WBP1: variants seen among roughly 807,000 people sequenced by gnomAD.
WBP1 encodes the protein WW domain binding protein 1.
A neutral mutation model predicts 25.6 loss-of-function variants in WBP1; 18 were observed. That is an observed-to-expected ratio of 0.70 (90% confidence interval 0.49 to 1.04). WBP1 has a LOEUF of 1.04. Among genes scored for constraint, WBP1 ranks in the 50% least tolerant of loss-of-function variants. The pLI is 0.00. For missense variants in WBP1, 330 were observed against 352.9 expected, an observed-to-expected ratio of 0.94 and a Z score of 0.52; for synonymous variants, 122 against 137.7, an observed-to-expected ratio of 0.89 and a Z score of 0.80.
Position 74,460,841 on chromosome 2 carries a change from A to G in WBP1, c.*160A>G, listed in dbSNP as rs1671882440. 1 of 671,002 alleles carries G rather than the reference A, an allele frequency of 1.5e-6. No individual in the cohort carries two copies. The highest frequency in any genetic ancestry group is 4.2e-4 in the Middle Eastern group (1 of 2,384). The allele number at this position is 671,002 out of a possible 1,614,324, so 41.6% of individuals were successfully genotyped here. Reference sequence around the variant, plus strand: ...TGTGCTAGCTTTACCCCCGCAGGACATACACAGGAGCCTTTGATCTCATTA... The same window carrying G: ...TGTGCTAGCTTTACCCCCGCAGGACGTACACAGGAGCCTTTGATCTCATTA... On this transcript the variant is annotated 3_prime_UTR_variant, in exon 4 of 4. Coordinates refer to ENST00000233615, the MANE Select transcript of WBP1 (RefSeq NM_012477.4).
In WBP1 at chr2:74,459,111, G is replaced by A. The variant is rs1279884099; in HGVS notation, c.69+440G>A. ...GCAATCCCATCTGGTTGGGAGCACTGCTCTGGGTCTCACACTGCCCCTCCT... is the reference window on the plus strand; with the variant it reads ...GCAATCCCATCTGGTTGGGAGCACTACTCTGGGTCTCACACTGCCCCTCCT... On this transcript the variant is annotated intron_variant, in intron 1 of 3. Coordinates refer to ENST00000233615, the MANE Select transcript of WBP1 (RefSeq NM_012477.4). 2.6e-6 allele frequency: 4 copies of A among 1,543,770 alleles called. No homozygotes were observed. In the African/African-American group the frequency reaches 4.1e-5, roughly 16 times the overall value.
intron 1 of WBP1, 113 bp downstream of exon 1, chr2:74,458,784 G>T (rs1671793500): frequency 6.6e-7 from 1 of 1,520,422 alleles, no homozygotes; most frequent in Non-Finnish European, 8.9e-7. Context: ...GTACTGTGAA[G>T]TTCCTAAACA....
intron 1 of WBP1, 105 bp downstream of exon 1, chr2:74,458,776 ACTGTGAAGTTC>A (rs1671793276): frequency 1.3e-6 from 2 of 1,518,472 alleles, no homozygotes; most frequent in East Asian, 4.9e-5. Context: ...AGCCAAAGGT[ACTGTGAAGTTC>A]CTAAACATGT....
chr2:74,458,783 A>G lies in WBP1; in HGVS notation c.69+112A>G, dbSNP rs1223653412. 17 of 1,520,332 alleles carry G rather than the reference A, an allele frequency of 1.1e-5. No homozygotes were observed. In the South Asian group the frequency reaches 1.6e-4, roughly 15 times the overall value. 94.2% of individuals were successfully genotyped at this position (1,520,332 alleles called of 1,614,324 possible). On this transcript the variant is annotated intron_variant, in intron 1 of 3. Transcript: ENST00000233615. ...ACTCACGGAGCCAAAGGTACTGTGA[A>G]GTTCCTAAACATGTCTCTTCCACTC... is the stretch of plus-strand genomic sequence containing the variant.
intron 1 of WBP1, chr2:74,459,281 C>T (rs1671815384): frequency 2.7e-6 from 2 of 732,818 alleles, no homozygotes; most frequent in Non-Finnish European, 3.9e-6. Context: ...CTCAGACTGT[C>T]TTCTGGCTTC....
Position 74,458,682 on chromosome 2 carries a change from A to G in WBP1, c.69+11A>G. The G allele has an allele frequency of 6.4e-7, 1 of 1,571,384 alleles. No individual in the cohort carries two copies. The highest frequency in any genetic ancestry group is 8.6e-7 in the Non-Finnish European group (1 of 1,157,980). On this transcript the variant is annotated intron_variant, in intron 1 of 3. Transcript: ENST00000233615. ...GCGCCGCAACAGCAGGTATCCCAAT[A>G]GCTCCAAAACCTATCACGACAGCCA...
Position 74,460,712 on chromosome 2 carries a change from C to T in WBP1, c.*31C>T. ...TTTGAGAGGGTGGATGGGTTACTTGCCCACCAGAAACAGCCCTAGTCCCAA... is the reference window on the plus strand; with the variant it reads ...TTTGAGAGGGTGGATGGGTTACTTGTCCACCAGAAACAGCCCTAGTCCCAA... On this transcript the variant is annotated 3_prime_UTR_variant, in exon 4 of 4. Transcript: ENST00000233615. 2 of 1,512,834 alleles carry T rather than the reference C, an allele frequency of 1.3e-6. No homozygotes were observed. Among genetic ancestry groups the T allele is most frequent in the Middle Eastern group, 2.2e-4 (1 of 4,512 alleles). The allele number at this position is 1,512,834 out of a possible 1,614,324, so 93.7% of individuals were successfully genotyped here. A position where few individuals can be genotyped will look rare whatever the true frequency, so the allele number is the denominator to read the frequency against.
chr2:74,460,632 C>A lies in WBP1; in HGVS notation c.761C>A (p.Pro254Gln), dbSNP rs763581399. 5.6e-6 allele frequency: 9 copies of A among 1,599,726 alleles called. No homozygotes were observed. The Admixed American group carries it at 1.0e-4, about 18-fold the overall frequency. Residue 254 changes from proline (P) to glutamine (Q), a missense_variant, in exon 4 of 4, where the codon CCG (proline) becomes CAG (glutamine). Coordinates refer to ENST00000233615, the MANE Select transcript of WBP1 (RefSeq NM_012477.4). ...SPCALPPESV[P>Q]QIFPMGLSSS... ...TGTGCACTACCCCCAGAGTCTGTAC[C>A]GCAGATCTTTCCCATGGGGCTGTCT...
rs760455576 is a variant in WBP1 at position 74,460,015 on chromosome 2, T to C, written c.315T>C (p.Ala105=). The C allele has an allele frequency of 6.2e-7, 1 of 1,614,102 alleles. No homozygotes were observed. The highest frequency in any genetic ancestry group is 1.1e-5 in the South Asian group (1 of 91,090). Residue 105 remains alanine, a synonymous_variant, in exon 3 of 4, where the codon GCT becomes GCC. Transcript: ENST00000233615. ...CCTATCATGGGGCATGCCATGGGGC[T>C]GGTCCTTTCCCTACCGGTTCACTGC... is the stretch of plus-strand genomic sequence containing the variant. ...LLAYHGACHG[A]GPFPTGSLLD...
At position 74,460,295 on chromosome 2, in the gene WBP1, A is replaced by G. The variant is rs1246644215; in HGVS notation, c.424A>G (p.Thr142Ala). Reference protein sequence around the residue: ...HRPGTPPPPYTVAPGRPLTAS... With the variant: ...HRPGTPPPPYAVAPGRPLTAS... ...CCCAGGCACACCACCCCCCCCTTAT[A>G]CTGTGGCCCCAGGCCGCCCCTTGAC... Residue 142 changes from threonine (T) to alanine (A), a missense_variant, in exon 4 of 4, where the codon ACT (threonine) becomes GCT (alanine). Thr to Ala is a moderately conservative substitution (Grantham distance 58). Transcript: ENST00000233615. 2 of 1,611,096 alleles carry G rather than the reference A, an allele frequency of 1.2e-6. No homozygotes were observed. Among genetic ancestry groups the G allele is most frequent in the East Asian group, 2.3e-5 (1 of 44,354 alleles).
intron 1 of WBP1, 149 bp downstream of exon 1, chr2:74,458,820 T>A: frequency 6.5e-7 from 1 of 1,534,748 alleles, no homozygotes; most frequent in Non-Finnish European, 8.8e-7. Flanking sequence ...TTGTCTAAAC[T>A]TTGTAACGTA....
chr2:74,459,079 A>T, intron 1 of WBP1: 1 of 1,548,722 alleles, frequency 6.5e-7, no homozygotes, highest in Admixed American at 2.0e-5. Flanking sequence ...ATCCTTTATC[A>T]TCCACAGCAA....
Position 74,460,770 on chromosome 2 carries a change from C to G in WBP1, c.*89C>G, listed in dbSNP as rs774053584. The G allele has an allele frequency of 1.0e-5, 12 of 1,203,306 alleles. No homozygotes were observed. Among genetic ancestry groups the G allele is most frequent in the Non-Finnish European group, 1.4e-5 (12 of 869,522 alleles). The allele number at this position is 1,203,306 out of a possible 1,614,324, so 74.5% of individuals were successfully genotyped here. On this transcript the variant is annotated 3_prime_UTR_variant, in exon 4 of 4. Coordinates refer to ENST00000233615, the MANE Select transcript of WBP1 (RefSeq NM_012477.4). ...CGTTCCTTTGGCCCCTCCCTGCCTACCTAGAATCTGCCTGAAAGGGCTGGA... is the reference window on the plus strand; with the variant it reads ...CGTTCCTTTGGCCCCTCCCTGCCTAGCTAGAATCTGCCTGAAAGGGCTGGA...
In WBP1 at chr2:74,460,539, G is replaced by T. The variant is rs376698954; in HGVS notation, c.668G>T (p.Gly223Val). The change falls in exon 4 of 4, where the codon GGT (glycine) becomes GTT (valine). Residue 223 changes from glycine (G) to valine (V), a missense_variant. Gly to Val is a moderately radical substitution (Grantham distance 109). Coordinates refer to ENST00000233615, the MANE Select transcript of WBP1 (RefSeq NM_012477.4). ...GIELCPCPAS[G>V]EGEPVKEVRV... ...GAGCTCTGCCCTTGTCCTGCCTCCGGTGAGGGTGAGCCAGTCAAGGAGGTG... is the reference window on the plus strand; with the variant it reads ...GAGCTCTGCCCTTGTCCTGCCTCCGTTGAGGGTGAGCCAGTCAAGGAGGTG... The T allele has an allele frequency of 3.7e-5, 59 of 1,613,524 alleles. No homozygotes were observed. Among genetic ancestry groups the T allele is most frequent in the Middle Eastern group, 1.7e-4 (1 of 5,744 alleles).
rs980744012 is a variant in WBP1, at chr2:74,460,378, A to G, written c.507A>G (p.Glu169=). 4.3e-6 allele frequency: 7 copies of G among 1,614,064 alleles called. No individual in the cohort carries two copies. Among genetic ancestry groups the G allele is most frequent in the Non-Finnish European group, 5.9e-6 (7 of 1,180,012 alleles). Residue 169 remains glutamate, a synonymous_variant, in exon 4 of 4, where the codon GAA becomes GAG. Transcript: ENST00000233615. Reference sequence around the variant, plus strand: ...CATCCAGCTGCCCTGCCCACTTTGAAGGAACAAATGTGGAAGGTGTTTCCT... The same window carrying G: ...CATCCAGCTGCCCTGCCCACTTTGAGGGAACAAATGTGGAAGGTGTTTCCT... ...SSSSSCPAHF[E]GTNVEGVSSH...
intron 1 of WBP1, chr2:74,459,033 A>G (rs1671801942): frequency 1.9e-6 from 3 of 1,550,364 alleles, no homozygotes; most frequent in Non-Finnish European, 2.6e-6. Context: ...AGCAATTTGG[A>G]GAAGAGCTGG....
rs369879489 is a variant in WBP1, at chr2:74,460,501, C to A, written c.630C>A (p.Gly210=). 5 of 1,613,460 alleles carry A rather than the reference C, an allele frequency of 3.1e-6. No individual in the cohort carries two copies. Among genetic ancestry groups the A allele is most frequent in the African/African-American group, 1.3e-5 (1 of 75,026 alleles). The change falls in exon 4 of 4, where the codon GGC becomes GGA. Residue 210 remains glycine, a synonymous_variant. Transcript: ENST00000233615. ...CCTGCCGCTATCGCCGTTTAACTGGCGACTCCGGTATTGAGCTCTGCCCTT... is the reference window on the plus strand; with the variant it reads ...CCTGCCGCTATCGCCGTTTAACTGGAGACTCCGGTATTGAGCTCTGCCCTT... The part of the protein sequence containing the change: ...PPSCRYRRLT[G]DSGIELCPCP...
chr2:74,460,660 C>T lies in WBP1; in HGVS notation c.789C>T (p.Ser263=), dbSNP rs749989785. 1.3e-6 allele frequency: 2 copies of T among 1,578,824 alleles called. No individual in the cohort carries two copies. The highest frequency in any genetic ancestry group is 8.6e-7 in the Non-Finnish European group (1 of 1,159,474). Reference sequence around the variant, plus strand: ...AGATCTTTCCCATGGGGCTGTCTTCCAGTGAAGGGGACATCCCATAAGTAG... The same window carrying T: ...AGATCTTTCCCATGGGGCTGTCTTCTAGTGAAGGGGACATCCCATAAGTAG... The part of the protein sequence containing the change: ...VPQIFPMGLS[S]SEGDIP The change falls in exon 4 of 4, where the codon TCC becomes TCT. Residue 263 remains serine (S), a synonymous_variant. Transcript: ENST00000233615.
At position 74,460,491 on chromosome 2, in the gene WBP1, G is replaced by A. The variant is rs144263559; in HGVS notation, c.620G>A (p.Arg207His). 17 of 1,613,472 alleles carry A rather than the reference G, an allele frequency of 1.1e-5. No individual in the cohort carries two copies. The East Asian group carries it at 1.3e-4, about 13-fold the overall frequency. The change falls in exon 4 of 4, where the codon CGT (arginine) becomes CAT (histidine). Residue 207 changes from arginine to histidine, a missense_variant. Physicochemically the swap from Arg to His is conservative, Grantham distance 29 (BLOSUM62 0). Transcript: ENST00000233615. Reference protein sequence around the residue: ...ASTPPSCRYRRLTGDSGIELC... With the variant: ...ASTPPSCRYRHLTGDSGIELC... ...ACACCCCCCTCCTGCCGCTATCGCC[G>A]TTTAACTGGCGACTCCGGTATTGAG...
Sources: gnomAD v4.1 joint callset for allele counts on GRCh38, gnomAD v4.1.1 for gene constraint, MANE v1.5 for transcripts, NCBI Gene and HGNC (gene_info 2026-07-23, HGNC 2026-07-21) for gene names.